The following PLCB1 variants were observed in gnomAD, a reference collection of about 807,000 sequenced individuals.
PLCB1 encodes phospholipase C beta 1.
In PLCB1, 46 loss-of-function variants were observed where a neutral mutation model predicts 161.8. The observed-to-expected ratio is 0.28, with a 90% CI of 0.22 to 0.36. PLCB1 has a LOEUF of 0.36. Among genes scored for constraint, PLCB1 ranks in the 10% least tolerant of loss-of-function variants. The pLI, the probability that PLCB1 is intolerant of heterozygous loss-of-function variation, is 1.00. For missense variants in PLCB1, 1,016 were observed against 1,472.5 expected (o/e 0.69, Z 5.07); for synonymous variants, 517 against 503.7 (o/e 1.03, Z -0.35).
chr20:8,557,525 A>G (rs1353630453), intron 3 of PLCB1, among the ~76,000 whole-genome samples: 3 of 151,978 alleles, frequency 2.0e-5, no homozygotes, highest in African/African-American at 7.2e-5. Flanking sequence ...GGCAGTTGCC[A>G]GGGGATCATC....
intron 3 of PLCB1, among the ~76,000 whole-genome samples, chr20:8,403,748 A>G (rs1197025555): frequency 1.3e-5 from 2 of 152,112 alleles, no homozygotes; most frequent in Non-Finnish European, 2.9e-5. Context: ...GATTGCAGAA[A>G]TGGCCATTGC....
chr20:8,541,474 T>C (rs562336051), intron 3 of PLCB1, among the ~76,000 whole-genome samples: 25 of 152,118 alleles, frequency 1.6e-4, no homozygotes, highest in African/African-American at 4.3e-4. Context: ...TGGCACTGCA[T>C]TGGTTCTCCA....
intron 3 of PLCB1, among the ~76,000 whole-genome samples, chr20:8,506,079 C>G (rs1983624725): frequency 6.6e-6 from 1 of 152,194 alleles, no homozygotes; most frequent in Non-Finnish European, 1.5e-5. Context: ...TTCTTCCTTT[C>G]TTACTCAGAT....
chr20:8,687,058 C>T (rs886471013), intron 10 of PLCB1, among the ~76,000 whole-genome samples: 2 of 151,868 alleles, frequency 1.3e-5, no homozygotes, highest in Admixed American at 1.3e-4. Flanking sequence ...CAGGGCCTCA[C>T]TCTGTTGCCC....
intron 2 of PLCB1, 120 bp from the exon 3 acceptor site, chr20:8,371,262 C>A: frequency 1.6e-6 from 1 of 622,456 alleles, no homozygotes; most frequent in Non-Finnish European, 2.8e-6. Flanking sequence ...AGAAATATCC[C>A]AACTGCAGAG....
intron 2 of PLCB1, among the ~76,000 whole-genome samples, chr20:8,169,798 C>T (rs1415299325): frequency 6.6e-6 from 1 of 152,150 alleles, no homozygotes; most frequent in Non-Finnish European, 1.5e-5. Context: ...ACAATTGCTT[C>T]TGGCCTATTG....
intron 9 of PLCB1, among the ~76,000 whole-genome samples, chr20:8,661,032 A>G (rs1345265461): frequency 6.6e-6 from 1 of 152,186 alleles, no homozygotes; most frequent in African/African-American, 2.4e-5. Flanking sequence ...CCTGCAAAGC[A>G]TTTGGAAAGA....
intron 3 of PLCB1, among the ~76,000 whole-genome samples, chr20:8,402,690 A>T (rs1600376941): frequency 6.6e-6 from 1 of 151,400 alleles, no homozygotes; most frequent in Admixed American, 6.6e-5. Flanking sequence ...AAAAAAAAAA[A>T]AAAAATTAGC....
chr20:8,704,375 A>G (rs1301382485), intron 11 of PLCB1, among the ~76,000 whole-genome samples: 1 of 152,164 alleles, frequency 6.6e-6, no homozygotes, highest in Non-Finnish European at 1.5e-5. Context: ...AAGAAAAGAA[A>G]AGTTAGCAAA....
At position 8,629,971 on chromosome 20, in the gene PLCB1, T is replaced by A. The variant is rs1464516659; in HGVS notation, c.384+1540T>A. ...CTTTCTTTTCTTTCTTTCTTCTTTC[T>A]TTCTTTCTTTCTTTCTTTCTTTCTT... On this transcript the variant is annotated intron_variant, in intron 4 of 31. Coordinates refer to ENST00000338037, the MANE Select transcript of PLCB1 (RefSeq NM_015192.4). 1.5e-4 allele frequency among the ~76,000 whole-genome samples: 3 copies of A among 20,138 alleles called. No homozygotes were observed. In the East Asian group the frequency reaches 4.0e-3, roughly 27 times the overall value. The allele number at this position is 20,138 out of a possible 152,430, so 13.2% of individuals were successfully genotyped here.
rs1238680655 is a variant in PLCB1 at position 8,822,778 on chromosome 20, T to G, written c.3423+32517T>G. ...TGAGTTCCAAGACTGACTAATGAAA[T>G]GATATTTCTACCTTTGATCTGTTGC... On this transcript the variant is annotated intron_variant, in intron 31 of 31. Coordinates refer to ENST00000338037, the MANE Select transcript of PLCB1 (RefSeq NM_015192.4). Among the ~76,000 whole-genome samples, 4 of 152,132 alleles carry G rather than the reference T, an allele frequency of 2.6e-5. No homozygotes were observed. In the East Asian group the frequency reaches 7.7e-4, roughly 29 times the overall value.
chr20:8,617,419 A>G (rs778397517), intron 3 of PLCB1, among the ~76,000 whole-genome samples: 25 of 152,310 alleles, frequency 1.6e-4, no homozygotes, highest in Admixed American at 1.2e-3. Context: ...TTGTAGCTCT[A>G]TGGTGAAATT....
At chr20:8,792,918 G>C (rs563637430) in intron 31 of PLCB1, 5 of 285,968 alleles carry the variant, frequency 1.7e-5, no homozygotes, top group African/African-American at 1.1e-4. Context: ...GGACAGCAAA[G>C]TAGGTATTAA....
chr20:8,533,271 C>T (rs1984895579), intron 3 of PLCB1, among the ~76,000 whole-genome samples: 1 of 151,548 alleles, frequency 6.6e-6, no homozygotes, highest in Non-Finnish European at 1.5e-5. Context: ...CATTGTTGGA[C>T]ATTTGGGTTG....
At chr20:8,214,391 G>A (rs759010498) in intron 2 of PLCB1, among the ~76,000 whole-genome samples, 73 of 151,972 alleles carry the variant, frequency 4.8e-4, no homozygotes, top group Admixed American at 7.9e-4. Context: ...GTGGCGCCTG[G>A]CTCTTTCTCT....
At chr20:8,235,099 T>G (rs930224955) in intron 2 of PLCB1, among the ~76,000 whole-genome samples, 3 of 152,142 alleles carry the variant, frequency 2.0e-5, no homozygotes, top group African/African-American at 7.2e-5. Context: ...AACTGTTTAT[T>G]GGACATTTCT....
chr20:8,747,090 T>C (rs895736659), intron 23 of PLCB1, among the ~76,000 whole-genome samples: 1 of 152,200 alleles, frequency 6.6e-6, no homozygotes, highest in African/African-American at 2.4e-5. Context: ...CTGACCTCCA[T>C]AGCAGGTTAC....
chr20:8,291,180 G>A (rs1428254091), intron 2 of PLCB1, among the ~76,000 whole-genome samples: 1 of 152,110 alleles, frequency 6.6e-6, no homozygotes, highest in Admixed American at 6.6e-5. Context: ...ATTGTCAAAG[G>A]CAAAAGAGGA....
At chr20:8,396,448 C>G (rs1293556196) in intron 3 of PLCB1, among the ~76,000 whole-genome samples, 1 of 152,016 alleles carries the variant, frequency 6.6e-6, no homozygotes, top group Non-Finnish European at 1.5e-5. Flanking sequence ...AATTATGTGT[C>G]CTTGGCCTTA....
Sources: allele counts gnomAD v4.1 joint callset (sites outside exome capture counted in the v4.1 genomes callset), GRCh38; gene constraint gnomAD v4.1.1; transcripts MANE v1.5; gene names NCBI Gene and HGNC (gene_info 2026-07-23, HGNC 2026-07-21).